PRKN: variants seen among roughly 807,000 people sequenced by gnomAD.
PRKN encodes E3 ubiquitin-protein ligase parkin.
PRKN carries 56 observed loss-of-function variants against 59.5 expected under a neutral mutation model. The ratio of observed to expected loss-of-function variants is 0.94; its 90% CI spans 0.76 to 1.18. The LOEUF (loss-of-function observed/expected upper bound fraction) is 1.18, where lower values mean the gene tolerates loss of function less well. PRKN is among the 50% of genes most tolerant of loss of function. The pLI is 0.00. For synonymous variants in PRKN, 250 were observed against 222.1 expected (o/e 1.13, Z -1.12); for missense variants, 657 against 596.4 (o/e 1.10, Z -1.06).
At chr6:161,653,980 T>G (rs946350100) in intron 7 of PRKN, among the ~76,000 whole-genome samples, 1 of 149,652 alleles carries the variant, frequency 6.7e-6, no homozygotes, top group African/African-American at 2.5e-5. Context: ...TCTCTAATGT[T>G]ATTTAGATAA....
intron 7 of PRKN, among the ~76,000 whole-genome samples, chr6:161,765,619 T>G (rs550941971): frequency 2.4e-4 from 37 of 152,220 alleles, no homozygotes; most frequent in African/African-American, 8.9e-4. Context: ...CACCCAATTC[T>G]TGAAACAGTA....
chr6:162,626,859 T>C (rs1240004778), intron 1 of PRKN, among the ~76,000 whole-genome samples: 2 of 151,912 alleles, frequency 1.3e-5, no homozygotes, highest in Admixed American at 1.3e-4. Context: ...GATTAAAATA[T>C]AGTCCCTTCA....
intron 1 of PRKN, among the ~76,000 whole-genome samples, chr6:162,475,564 T>C (rs4709627): frequency 0.32 from 47,442 of 147,790 alleles, 7,695 homozygotes; most frequent in East Asian, 0.49. Context: ...TGTGTATGCA[T>C]GTGAGTGTGT....
At chr6:162,633,830 A>G (rs867380183) in intron 1 of PRKN, among the ~76,000 whole-genome samples, 1 of 152,146 alleles carries the variant, frequency 6.6e-6, no homozygotes, top group African/African-American at 2.4e-5. Flanking sequence ...GATGAGCTAA[A>G]CAAGAGACTA....
chr6:161,751,326 C>T (rs950710002), intron 7 of PRKN, among the ~76,000 whole-genome samples: 1 of 152,198 alleles, frequency 6.6e-6, no homozygotes, highest in African/African-American at 2.4e-5. Flanking sequence ...CTTCACATTT[C>T]CTATCAATCA....
chr6:162,260,312 T>C (rs1779835458), intron 3 of PRKN, among the ~76,000 whole-genome samples: 1 of 152,150 alleles, frequency 6.6e-6, no homozygotes. Context: ...AAACAGCGCA[T>C]CATCATAGAT....
intron 1 of PRKN, among the ~76,000 whole-genome samples, chr6:162,483,670 G>T (rs1254671171): frequency 6.6e-6 from 1 of 152,156 alleles, no homozygotes; most frequent in Non-Finnish European, 1.5e-5. Context: ...ACAGATTGCT[G>T]GAGGCAGTCT....
intron 6 of PRKN, among the ~76,000 whole-genome samples, chr6:161,902,247 T>G (rs1315409901): frequency 6.6e-6 from 1 of 152,158 alleles, no homozygotes; most frequent in East Asian, 1.9e-4. Context: ...GAGCATGGTC[T>G]GCTTCATCCC....
chr6:162,647,371 G>T (rs1778227516), intron 1 of PRKN, among the ~76,000 whole-genome samples: 1 of 152,082 alleles, frequency 6.6e-6, no homozygotes, highest in Non-Finnish European at 1.5e-5. Flanking sequence ...TAGGTCAGAT[G>T]TCATGGAGGG....
chr6:161,957,893 C>G (rs1389574249), intron 6 of PRKN, among the ~76,000 whole-genome samples: 1 of 152,216 alleles, frequency 6.6e-6, no homozygotes, highest in Non-Finnish European at 1.5e-5. Flanking sequence ...CTTTCATTAA[C>G]TACGCGGATC....
intron 3 of PRKN, among the ~76,000 whole-genome samples, chr6:162,251,005 A>T (rs1394551717): frequency 6.6e-6 from 1 of 152,090 alleles, no homozygotes; most frequent in Non-Finnish European, 1.5e-5. Context: ...CTGAATCTTC[A>T]TTAGCCCCTG....
chr6:162,657,781 A>G (rs761560493), intron 1 of PRKN, among the ~76,000 whole-genome samples: 13 of 152,130 alleles, frequency 8.5e-5, no homozygotes, highest in Admixed American at 2.0e-4. Flanking sequence ...CTGCCATTTC[A>G]GTATGGTCTG....
intron 1 of PRKN, among the ~76,000 whole-genome samples, chr6:162,656,868 T>A (rs1778664209): frequency 2.0e-5 from 3 of 152,232 alleles, no homozygotes; most frequent in Non-Finnish European, 4.4e-5. Context: ...CTCCTCTCAA[T>A]CCCAGGCACC....
chr6:161,900,899 CAT>C (rs1467664073), intron 6 of PRKN, among the ~76,000 whole-genome samples: 2 of 127,400 alleles, frequency 1.6e-5, no homozygotes, highest in Admixed American at 1.7e-4. Context: ...ATATATAACA[CAT>C]ATGTTAAATT....
chr6:161,730,190 G>A (rs1787624491), intron 7 of PRKN, among the ~76,000 whole-genome samples: 1 of 151,384 alleles, frequency 6.6e-6, no homozygotes. Context: ...ATTCTGATGT[G>A]TTGCATTCTT....
At chr6:162,365,852 A>G (rs1785409541) in intron 2 of PRKN, among the ~76,000 whole-genome samples, 2 of 152,204 alleles carry the variant, frequency 1.3e-5, no homozygotes, top group African/African-American at 4.8e-5. Context: ...TTTCTCTGGT[A>G]TGCTCTAATG....
intron 1 of PRKN, among the ~76,000 whole-genome samples, chr6:162,638,920 A>G (rs988167305): frequency 4.0e-5 from 6 of 151,716 alleles, no homozygotes; most frequent in African/African-American, 9.7e-5. Context: ...AATTTTTTAT[A>G]TTTTTAGTAG....
intron 1 of PRKN, among the ~76,000 whole-genome samples, chr6:162,533,967 T>C (rs1778613445): frequency 2.3e-5 from 2 of 88,654 alleles, no homozygotes; most frequent in Admixed American, 2.8e-4. Flanking sequence ...CCAGACTCCA[T>C]CTCAAAAAAA....
chr6:162,068,743 C>A (rs376347222), intron 4 of PRKN, among the ~76,000 whole-genome samples: 2 of 148,268 alleles, frequency 1.3e-5, no homozygotes, highest in Non-Finnish European at 3.0e-5. Context: ...ATAATTGGCA[C>A]GGTCAGGGAA....
Sources: gnomAD v4.1 joint callset for allele counts (sites outside exome capture counted in the v4.1 genomes callset) on GRCh38, gnomAD v4.1.1 for gene constraint, MANE v1.5 for transcripts, NCBI Gene and HGNC (gene_info 2026-07-23, HGNC 2026-07-21) for gene names.